SLC39A3: variants seen among roughly 807,000 people sequenced by gnomAD.
SLC39A3 encodes zinc transporter ZIP3.
A neutral mutation model predicts 5.1 loss-of-function variants in SLC39A3; 3 were observed. The observed-to-expected ratio is 0.59, with a 90% CI of 0.27 to 1.54. The LOEUF is 1.54. Ranked by LOEUF, SLC39A3 falls within the 40% of genes most tolerant of loss-of-function variation. SLC39A3 has a pLI of 0.12. For synonymous variants in SLC39A3, 250 were observed against 218.8 expected, an observed-to-expected ratio of 1.14 and a Z score of -1.26; for missense variants, 412 against 436.4, an observed-to-expected ratio of 0.94 and a Z score of 0.50.
intron 1 of SLC39A3, among the ~76,000 whole-genome samples, chr19:2,739,030 G>C (rs1194511668): frequency 6.7e-6 from 1 of 149,150 alleles, no homozygotes; most frequent in East Asian, 2.0e-4. Flanking sequence ...AACCCAGGAG[G>C]TGGAGCTTGC....
In SLC39A3 at chr19:2,737,305, G is replaced by A; in HGVS notation, c.-48C>T. The A allele has an allele frequency of 6.5e-7, 1 of 1,545,208 alleles. No homozygotes were observed. The highest frequency in any genetic ancestry group is 8.8e-7 in the Non-Finnish European group (1 of 1,142,106). On this transcript the variant is annotated 5_prime_UTR_variant, in exon 2 of 3. Transcript: ENST00000269740. ...GTCACTGCAGGGCCAAACCATCTGT[G>A]GGCGCACACCCAAGTCCCACGATGT...
At chr19:2,738,638 G>C (rs935559997) in intron 1 of SLC39A3, among the ~76,000 whole-genome samples, 4 of 151,918 alleles carry the variant, frequency 2.6e-5, no homozygotes, top group Admixed American at 6.6e-5. Context: ...GGTTGGGAGT[G>C]GTGGCTCACA....
Position 2,734,594 on chromosome 19 carries a change from T to C in SLC39A3, c.211-1109A>G, listed in dbSNP as rs1914301340. ...GGTGCTGACATTCGGGGCTGGATTGTTCTCTGGGACGGGGCCGTCCTGGGC... is the reference window on the plus strand; with the variant it reads ...GGTGCTGACATTCGGGGCTGGATTGCTCTCTGGGACGGGGCCGTCCTGGGC... On this transcript the variant is annotated intron_variant, in intron 2 of 2. Coordinates refer to ENST00000269740, the MANE Select transcript of SLC39A3 (RefSeq NM_144564.5). This position sits in a 1 kb window ranked among gnomAD's most constrained non-coding sequence, Gnocchi z 4.6. 3.5e-6 allele frequency: 1 copy of C among 283,384 alleles called. No individual in the cohort carries two copies. The highest frequency in any genetic ancestry group is 5.3e-6 in the Non-Finnish European group (1 of 188,066). 17.6% of individuals were successfully genotyped at this position (283,384 alleles called of 1,614,324 possible).
Position 2,734,385 on chromosome 19 carries a change from T to A in SLC39A3, c.211-900A>T, listed in dbSNP as rs1252678130. ...TCCCAGCGGAGACTTCATTACAACC[T>A]GCGCACGTGCACACACACACACACA... On this transcript the variant is annotated intron_variant, in intron 2 of 2. Transcript: ENST00000269740. This position sits in a 1 kb window ranked among gnomAD's most constrained non-coding sequence, Gnocchi z 4.6. The A allele has an allele frequency of 1.3e-5, 2 of 150,974 alleles. No homozygotes were observed. Among genetic ancestry groups the A allele is most frequent in the Non-Finnish European group, 2.9e-5 (2 of 67,982 alleles). The allele number at this position is 150,974 out of a possible 1,614,324, so 9.4% of individuals were successfully genotyped here. A position where few individuals can be genotyped will look rare whatever the true frequency, so the allele number is the denominator to read the frequency against.
Position 2,734,751 on chromosome 19 carries a change from C to T in SLC39A3, c.211-1266G>A. ...TGGGGGCAGTTCACGCTGGGTGAGCCTCTGCTGCAGCAGAAGGCTGTGTTT... is the reference window on the plus strand; with the variant it reads ...TGGGGGCAGTTCACGCTGGGTGAGCTTCTGCTGCAGCAGAAGGCTGTGTTT... On this transcript the variant is annotated intron_variant, in intron 2 of 2. Transcript: ENST00000269740. This position sits in a 1 kb window ranked among gnomAD's most constrained non-coding sequence, Gnocchi z 4.6. 1 of 985,476 alleles carries T rather than the reference C, an allele frequency of 1.0e-6. No homozygotes were observed. The highest frequency in any genetic ancestry group is 1.2e-6 in the Non-Finnish European group (1 of 829,946). The allele number at this position is 985,476 out of a possible 1,614,324, so 61.0% of individuals were successfully genotyped here.
rs374425396 is a variant in SLC39A3, at chr19:2,733,525, G to A, written c.211-40C>T. 8.3e-5 allele frequency: 130 copies of A among 1,566,918 alleles called. 1 individual carries two copies. The Admixed American group carries it at 1.5e-3, about 18-fold the overall frequency. On this transcript the variant is annotated intron_variant, in intron 2 of 2. Transcript: ENST00000269740. This position sits in a 1 kb window ranked among gnomAD's most constrained non-coding sequence, Gnocchi z 6.1. ...ACCCGAGAGAGAGAGAGAGACCCAC[G>A]CTCAGGGGTGGCGGCGACAGGGCTG...
rs762107745 is a variant in SLC39A3 at position 2,732,725 on chromosome 19, G to A, written c.*26C>T. On this transcript the variant is annotated 3_prime_UTR_variant, in exon 3 of 3. Transcript: ENST00000269740. ...CGGCCCGGGGCTCCCGGCGGGCTCC[G>A]GCGGCAGGGACAATGGCGAGGCCGC... The A allele has an allele frequency of 1.9e-5, 29 of 1,514,426 alleles. No individual in the cohort carries two copies. Among genetic ancestry groups the A allele is most frequent in the African/African-American group, 2.8e-5 (2 of 71,520 alleles). The allele number at this position is 1,514,426 out of a possible 1,614,324, so 93.8% of individuals were successfully genotyped here.
At position 2,736,990 on chromosome 19, in the gene SLC39A3, C is replaced by G. The variant is rs575534079; in HGVS notation, c.210+58G>C. 84 of 1,607,048 alleles carry G rather than the reference C, an allele frequency of 5.2e-5. No individual in the cohort carries two copies. The South Asian group carries it at 8.0e-4, about 15-fold the overall frequency. Reference sequence around the variant, plus strand: ...CTTGGCATCAGTGTTGAAAATGCATCAGAGTCCCTTGGCCATAAGGTGCCA... The same window carrying G: ...CTTGGCATCAGTGTTGAAAATGCATGAGAGTCCCTTGGCCATAAGGTGCCA... On this transcript the variant is annotated intron_variant, in intron 2 of 2. Coordinates refer to ENST00000269740, the MANE Select transcript of SLC39A3 (RefSeq NM_144564.5).
At chr19:2,737,439 C>CAG in intron 1 of SLC39A3, 60 bp from the exon 2 acceptor site, 1 of 1,144,072 alleles carries the variant, frequency 8.7e-7, no homozygotes. Flanking sequence ...TTTTTTTAGA[C>CAG]AGAGTCTCGC....
chr19:2,737,332 C>T lies in SLC39A3; in HGVS notation c.-75G>A. ...GCGCACACCCAAGTCCCACGATGTG[C>T]TACCGAGCCCAACCACACAGTTGGA... On this transcript the variant is annotated 5_prime_UTR_variant, in exon 2 of 3. It removes the in-frame stop codon of an upstream open reading frame in the 5' UTR. Transcript: ENST00000269740. 6.6e-7 allele frequency: 1 copy of T among 1,510,262 alleles called. No homozygotes were observed. The highest frequency in any genetic ancestry group is 8.9e-7 in the Non-Finnish European group (1 of 1,123,556). The allele number at this position is 1,510,262 out of a possible 1,614,324, so 93.6% of individuals were successfully genotyped here.
rs1454117922 is a variant in SLC39A3 at position 2,737,065 on chromosome 19, G to A, written c.193C>T (p.Pro65Ser). The change falls in exon 2 of 3, where the codon CCC (proline) becomes TCC (serine). Residue 65 changes from proline to serine, a missense_variant. Pro to Ser is a moderately conservative substitution (Grantham distance 74, BLOSUM62 -1). Transcript: ENST00000269740. ...GCCCTTACCTTTTCCCTCACAGCGG[G>A]CAGCAGAGCGTTGAAGCACGTGGCC... ...FLATCFNALL[P>S]AVREKLQKVL... 1 of 1,614,040 alleles carries A rather than the reference G, an allele frequency of 6.2e-7. No homozygotes were observed. The highest frequency in any genetic ancestry group is 8.5e-7 in the Non-Finnish European group (1 of 1,180,038).
chr19:2,737,040 G>A lies in SLC39A3; in HGVS notation c.210+8C>T. The A allele has an allele frequency of 6.2e-7, 1 of 1,614,072 alleles. No individual in the cohort carries two copies. On this transcript the variant is annotated splice_region_variant and intron_variant, in intron 2 of 2. Coordinates refer to ENST00000269740, the MANE Select transcript of SLC39A3 (RefSeq NM_144564.5). ...AAGGGCTGCTGCTAGTGCCCAGGGA[G>A]CCCTTACCTTTTCCCTCACAGCGGG...
At position 2,738,001 on chromosome 19, in the gene SLC39A3, C is replaced by T. The variant is rs985530662; in HGVS notation, c.-122-622G>A. On this transcript the variant is annotated intron_variant, in intron 1 of 2. Transcript: ENST00000269740. The stretch of plus-strand genomic sequence containing the variant: ...ATCACCTGAGGTCAGGAATTCGAGA[C>T]CAGCCTGGACAACATGGTGAAACGC... Among the ~76,000 whole-genome samples the T allele has an allele frequency of 4.3e-4, 66 of 151,740 alleles. 1 individual carries two copies. The highest frequency in any genetic ancestry group is 6.3e-4 in the Non-Finnish European group (43 of 67,932).
In SLC39A3 at chr19:2,735,021, C is replaced by T. The variant is rs974667661; in HGVS notation, c.211-1536G>A. The T allele has an allele frequency of 8.1e-6, 8 of 985,276 alleles. No individual in the cohort carries two copies. In the South Asian group the frequency reaches 1.9e-4, roughly 23 times the overall value. The allele number at this position is 985,276 out of a possible 1,614,324, so 61.0% of individuals were successfully genotyped here. ...AGGGACCTCATCCGCCTGACCAGCC[C>T]GAGGACAGGAGAACGGCGGGAAAGG... is the stretch of plus-strand genomic sequence containing the variant. On this transcript the variant is annotated intron_variant, in intron 2 of 2. Transcript: ENST00000269740. The surrounding 1 kb of genome is among the most constrained non-coding windows in gnomAD (Gnocchi z 5.7).
At chr19:2,739,180 G>T (rs980991588) in intron 1 of SLC39A3, among the ~76,000 whole-genome samples, 1 of 141,442 alleles carries the variant, frequency 7.1e-6, no homozygotes, top group Admixed American at 7.1e-5. Context: ...CCCTGTACCC[G>T]CCGGAAGGCC....
intron 1 of SLC39A3, among the ~76,000 whole-genome samples, chr19:2,737,990 G>C (rs1488238968): frequency 6.6e-6 from 1 of 151,728 alleles, no homozygotes; most frequent in Middle Eastern, 3.2e-3. Flanking sequence ...CCTGAGGTCA[G>C]GAATTCGAGA....
Position 2,733,489 on chromosome 19 carries a change from C to T in SLC39A3, c.211-4G>A, listed in dbSNP as rs532547429. The stretch of plus-strand genomic sequence containing the variant: ...CGAGGCTCAGGACCTTCTGGAGCTG[C>T]AGCCGGGGACACCCGAGAGAGAGAG... On this transcript the variant is annotated splice_region_variant and splice_polypyrimidine_tract_variant and intron_variant, in intron 2 of 2. Coordinates refer to ENST00000269740, the MANE Select transcript of SLC39A3 (RefSeq NM_144564.5). This position sits in a 1 kb window ranked among gnomAD's most constrained non-coding sequence, Gnocchi z 6.1. The T allele has an allele frequency of 5.6e-6, 9 of 1,604,422 alleles. No homozygotes were observed. In the African/African-American group the frequency reaches 1.2e-4, roughly 21 times the overall value.
chr19:2,737,724 A>T, intron 1 of SLC39A3: 1 of 165,924 alleles, frequency 6.0e-6, no homozygotes, highest in Non-Finnish European at 1.3e-5. Flanking sequence ...CAGTTTTGGA[A>T]CTCGGACTGG....
In SLC39A3 at chr19:2,735,626, C is replaced by T. The variant is rs1027454284; in HGVS notation, c.210+1422G>A. The T allele has an allele frequency of 3.5e-5, 6 of 172,372 alleles. No individual in the cohort carries two copies. The highest frequency in any genetic ancestry group is 6.9e-5 in the Non-Finnish European group (6 of 86,516). The allele number at this position is 172,372 out of a possible 1,614,324, so 10.7% of individuals were successfully genotyped here. A position where few individuals can be genotyped will look rare whatever the true frequency, so the allele number is the denominator to read the frequency against. On this transcript the variant is annotated intron_variant, in intron 2 of 2. Coordinates refer to ENST00000269740, the MANE Select transcript of SLC39A3 (RefSeq NM_144564.5). This position sits in a 1 kb window ranked among gnomAD's most constrained non-coding sequence, Gnocchi z 5.7. ...TCACCTGATTAGGCCAGGCCCACCCCCTCCCTTTTGATGAACTCAGCGCTA... is the reference window on the plus strand; with the variant it reads ...TCACCTGATTAGGCCAGGCCCACCCTCTCCCTTTTGATGAACTCAGCGCTA...
Sources: gnomAD v4.1 joint callset for allele counts (sites outside exome capture counted in the v4.1 genomes callset) on GRCh38, gnomAD v4.1.1 for gene constraint, Gnocchi (gnomAD v3.1) non-coding constraint, MANE v1.5 for transcripts, NCBI Gene and HGNC (gene_info 2026-07-23, HGNC 2026-07-21) for gene names.